MYH11: variants seen among roughly 807,000 people sequenced by gnomAD.
MYH11 encodes myosin heavy chain 11, also known as myosin-11.
MYH11 carries 80 observed loss-of-function variants against 246.6 expected under a neutral mutation model. That is an observed-to-expected ratio of 0.32 (90% CI 0.27 to 0.39). The LOEUF is 0.39. Ranked by LOEUF, MYH11 falls within the 10% of genes least tolerant of loss-of-function variation. The pLI, the probability that MYH11 is intolerant of heterozygous loss-of-function variation, is 1.00. For synonymous variants in MYH11, 1,071 were observed against 1,015.5 expected (o/e 1.05, Z -1.04); for missense variants, 2,158 against 2,546.8 (o/e 0.85, Z 3.29).
intron 3 of MYH11, among the ~76,000 whole-genome samples, chr16:15,822,512 AAAAAC>A (rs1217559732): frequency 1.3e-5 from 2 of 152,102 alleles, no homozygotes; most frequent in Non-Finnish European, 2.9e-5. Flanking sequence ...TGTCACTTCC[AAAAAC>A]AAAACAAAAC....
intron 7 of MYH11, among the ~76,000 whole-genome samples, chr16:15,776,738 G>A (rs1461046988): frequency 3.9e-5 from 6 of 152,192 alleles, no homozygotes; most frequent in Non-Finnish European, 7.3e-5. Flanking sequence ...TTCCAAGAGT[G>A]GGGTCTGACG....
At chr16:15,833,765 T>C (rs9931323) in intron 2 of MYH11, among the ~76,000 whole-genome samples, 3,918 of 152,234 alleles carry the variant, frequency 0.026, 169 homozygotes, top group African/African-American at 0.089. Flanking sequence ...ACGGACCTGG[T>C]ATCACCTCAC....
Position 15,741,415 on chromosome 16 carries a change from G to A in MYH11, c.2859+48C>T, listed in dbSNP as rs769953329. On this transcript the variant is annotated intron_variant, in intron 22 of 40. Transcript: ENST00000300036. ...TGCACCTCCACAGGCCTGTGGTGAG[G>A]GTCAAGTGATTTGCTACCCACCACG... The A allele has an allele frequency of 3.8e-6, 6 of 1,582,730 alleles. No individual in the cohort carries two copies. The South Asian group carries it at 4.4e-5, about 12-fold the overall frequency.
intron 16 of MYH11, chr16:15,749,316 T>C (rs995241485): frequency 1.3e-5 from 2 of 152,016 alleles, no homozygotes; most frequent in Non-Finnish European, 2.9e-5. Flanking sequence ...GCCTGGACAC[T>C]ATCTAGCATT....
intron 15 of MYH11, 143 bp downstream of exon 15, chr16:15,753,251 T>C: frequency 1.3e-6 from 1 of 757,116 alleles, no homozygotes; most frequent in Non-Finnish European, 2.3e-6. Flanking sequence ...CAACGAGACA[T>C]CACCAGCCCA....
At chr16:15,797,638 A>G (rs558214317) in intron 4 of MYH11, among the ~76,000 whole-genome samples, 38 of 150,636 alleles carry the variant, frequency 2.5e-4, no homozygotes, top group Middle Eastern at 3.5e-3. Flanking sequence ...TATATATTCT[A>G]TATTTTCAAA....
chr16:15,838,131 TCC>T lies in MYH11; in HGVS notation c.120_121del (p.Lys42AlafsTer9). 6.2e-7 allele frequency: 1 copy of T among 1,614,124 alleles called. No homozygotes were observed. The highest frequency in any genetic ancestry group is 8.5e-7 in the Non-Finnish European group (1 of 1,180,020). On this transcript the variant is annotated frameshift_variant, in exon 2 of 41. Coordinates refer to ENST00000300036, the MANE Select transcript of MYH11 (RefSeq NM_002474.3). LOFTEE classifies it high-confidence loss of function. Reference sequence around the variant, plus strand: ...GCTGGCTGCCTCGAAGCCCTGCTTCTCCGAGGGGACCCAGACGAGTCTCTTGG... The same window carrying T: ...GCTGGCTGCCTCGAAGCCCTGCTTCTGAGGGGACCCAGACGAGTCTCTTGG...
chr16:15,840,425 G>T (rs576481322), intron 1 of MYH11, among the ~76,000 whole-genome samples: 2 of 152,134 alleles, frequency 1.3e-5, no homozygotes, highest in South Asian at 4.2e-4. Context: ...CACATTATAT[G>T]TATTAATATC....
intron 3 of MYH11, 69 bp from the exon 4 acceptor site, chr16:15,798,756 C>T (rs2042812734): frequency 1.3e-6 from 2 of 1,517,096 alleles, no homozygotes. Flanking sequence ...CTGGACTTGG[C>T]TCCTCCCAGG....
Position 15,721,404 on chromosome 16 carries a change from C to T in MYH11, c.4578+18G>A. The stretch of plus-strand genomic sequence containing the variant: ...GCAGGCGAAACATGGACGAGAAAAA[C>T]CACCCAGAGCCACTTACGTTCTTGC... On this transcript the variant is annotated intron_variant, in intron 32 of 40. Transcript: ENST00000300036. 7.4e-6 allele frequency: 12 copies of T among 1,613,938 alleles called. No individual in the cohort carries two copies. The highest frequency in any genetic ancestry group is 1.0e-5 in the Non-Finnish European group (12 of 1,179,918).
At chr16:15,737,017 AAGG>A (rs1478987014) in intron 25 of MYH11, among the ~76,000 whole-genome samples, 3 of 152,066 alleles carry the variant, frequency 2.0e-5, no homozygotes, top group Non-Finnish European at 4.4e-5. Context: ...GGCAGAAACA[AAGG>A]AGGAGATTGG....
chr16:15,841,203 A>G, intron 1 of MYH11, among the ~76,000 whole-genome samples: 1 of 152,128 alleles, frequency 6.6e-6, no homozygotes, highest in East Asian at 1.9e-4. Flanking sequence ...CAGTGGTGCA[A>G]TCTTGGCTCA....
intron 4 of MYH11, among the ~76,000 whole-genome samples, chr16:15,796,255 CT>C (rs1366128250): frequency 6.6e-6 from 1 of 152,172 alleles, no homozygotes; most frequent in Non-Finnish European, 1.5e-5. Context: ...ATTAAGTGAA[CT>C]TTTAAGTGAA....
At chr16:15,772,713 C>T (rs2042132861) in intron 8 of MYH11, among the ~76,000 whole-genome samples, 1 of 152,146 alleles carries the variant, frequency 6.6e-6, no homozygotes, top group South Asian at 2.1e-4. Context: ...GGAACTGGGC[C>T]ACACAGCAGG....
At chr16:15,755,414 G>C (rs770397287) in intron 14 of MYH11, among the ~76,000 whole-genome samples, 9 of 152,172 alleles carry the variant, frequency 5.9e-5, no homozygotes, top group Non-Finnish European at 1.2e-4. Flanking sequence ...GCCAGGTGTG[G>C]ATGTATTAGT....
intron 15 of MYH11, among the ~76,000 whole-genome samples, chr16:15,752,948 T>C (rs985707720): frequency 3.3e-5 from 5 of 152,178 alleles, no homozygotes; most frequent in Non-Finnish European, 7.4e-5. Flanking sequence ...TGGTCTAATT[T>C]AACCCTCATA....
At chr16:15,785,056 C>T (rs2042438675) in intron 5 of MYH11, 1 of 192,820 alleles carries the variant, frequency 5.2e-6, no homozygotes, top group South Asian at 1.2e-4. Context: ...CACTATGTCA[C>T]CCAGGCTGGT....
intron 14 of MYH11, among the ~76,000 whole-genome samples, chr16:15,754,600 C>A (rs1164810539): frequency 6.6e-6 from 1 of 152,150 alleles, no homozygotes; most frequent in Non-Finnish European, 1.5e-5. Flanking sequence ...AGTTGGGAAA[C>A]TTTTGGTGAA....
chr16:15,819,782 T>A (rs977680615), intron 3 of MYH11, among the ~76,000 whole-genome samples: 1 of 152,176 alleles, frequency 6.6e-6, no homozygotes, highest in African/African-American at 2.4e-5. Flanking sequence ...AAAAACTGAC[T>A]TCTATGAAAC....
Sources: allele counts gnomAD v4.1 joint callset (sites outside exome capture counted in the v4.1 genomes callset), GRCh38; gene constraint gnomAD v4.1.1; transcripts MANE v1.5; gene names NCBI Gene and HGNC (gene_info 2026-07-23, HGNC 2026-07-21).